The following VPS50 variants were observed in gnomAD, a reference collection of about 807,000 sequenced individuals.
VPS50 encodes the protein syndetin.
A neutral mutation model predicts 139.7 loss-of-function variants in VPS50; 70 were observed. The ratio of observed to expected loss-of-function variants is 0.50; its 90% CI spans 0.41 to 0.61. VPS50 has a LOEUF of 0.61. VPS50 is among the 20% of genes least tolerant of loss of function. The pLI is 0.00. For missense variants in VPS50, 921 were observed against 1,133.7 expected (o/e 0.81, Z 2.69); for synonymous variants, 365 against 376.7 (o/e 0.97, Z 0.36).
intron 27 of VPS50, among the ~76,000 whole-genome samples, chr7:93,356,665 A>G (rs1798715808): frequency 6.6e-6 from 1 of 152,148 alleles, no homozygotes; most frequent in South Asian, 2.1e-4. Context: ...TACTATTGTT[A>G]CGTAGGATGC....
At chr7:93,351,653 C>T (rs1798563127) in intron 25 of VPS50, among the ~76,000 whole-genome samples, 1 of 152,126 alleles carries the variant, frequency 6.6e-6, no homozygotes, top group Non-Finnish European at 1.5e-5. Context: ...TGTTAATTCC[C>T]TTGGTGAGAG....
At chr7:93,290,146 T>C (rs1302312413) in intron 12 of VPS50, among the ~76,000 whole-genome samples, 3 of 152,078 alleles carry the variant, frequency 2.0e-5, no homozygotes, top group African/African-American at 7.2e-5. Context: ...CTTTGCTGAA[T>C]TCTTTTATTG....
chr7:93,350,149 G>A, intron 25 of VPS50, 116 bp downstream of exon 25: 1 of 607,746 alleles, frequency 1.6e-6, no homozygotes, highest in Non-Finnish European at 2.6e-6. Context: ...CTAGCATTGT[G>A]GTATTAAAGC....
intron 23 of VPS50, among the ~76,000 whole-genome samples, chr7:93,345,488 T>C (rs1798364096): frequency 6.6e-6 from 1 of 152,202 alleles, no homozygotes; most frequent in Non-Finnish European, 1.5e-5. Flanking sequence ...GAGGCCAGCA[T>C]CATCCTGATA....
intron 17 of VPS50, 101 bp from the exon 18 acceptor site, chr7:93,305,727 G>A: frequency 1.2e-6 from 1 of 811,984 alleles, no homozygotes; most frequent in South Asian, 1.5e-5. Context: ...AGATCAAGAT[G>A]TTGTTTTTCT....
At chr7:93,274,867 A>G (rs1194591914) in intron 11 of VPS50, among the ~76,000 whole-genome samples, 2 of 152,126 alleles carry the variant, frequency 1.3e-5, no homozygotes. Flanking sequence ...AAAACCTCCC[A>G]TAAAGGATTC....
chr7:93,241,343 C>G (rs1794983253), intron 2 of VPS50, among the ~76,000 whole-genome samples: 1 of 152,114 alleles, frequency 6.6e-6, no homozygotes, highest in Admixed American at 6.6e-5. Context: ...TTTAGGATAA[C>G]TGGCCTTGGG....
intron 2 of VPS50, among the ~76,000 whole-genome samples, chr7:93,246,311 C>T (rs909192096): frequency 2.0e-5 from 3 of 151,740 alleles, no homozygotes; most frequent in Admixed American, 6.6e-5. Flanking sequence ...CTGCATTCTG[C>T]CATTGAGTTA....
intron 9 of VPS50, among the ~76,000 whole-genome samples, chr7:93,261,860 A>G (rs1001741336): frequency 6.6e-6 from 1 of 152,144 alleles, no homozygotes; most frequent in East Asian, 1.9e-4. Flanking sequence ...TCTACACCAG[A>G]AATGAAATCT....
chr7:93,351,614 G>A (rs1247301072), intron 25 of VPS50, among the ~76,000 whole-genome samples: 1 of 152,124 alleles, frequency 6.6e-6, no homozygotes, highest in African/African-American at 2.4e-5. Flanking sequence ...AAAAAGGCAA[G>A]GCAGCTCTCT....
intron 26 of VPS50, among the ~76,000 whole-genome samples, chr7:93,355,135 A>T (rs1398011740): frequency 6.7e-6 from 1 of 149,868 alleles, no homozygotes; most frequent in African/African-American, 2.4e-5. Context: ...AAAAAAAAAA[A>T]GCTTGGTCAT....
rs555008771 is a variant in VPS50, at chr7:93,279,772, AT to A, written c.942+3468del. 1.6e-4 allele frequency among the ~76,000 whole-genome samples: 25 copies of A among 152,322 alleles called. No homozygotes were observed. In the South Asian group the frequency reaches 4.6e-3, roughly 28 times the overall value. ...AATGTTTTGAAGGAAGTGTTTAGTC[AT>A]ACATAGAGCTTAAAAATAACATTGA... On this transcript the variant is annotated intron_variant, in intron 12 of 27. Coordinates refer to ENST00000305866, the MANE Select transcript of VPS50 (RefSeq NM_017667.4).
In VPS50 at chr7:93,360,315, A is replaced by G. The variant is rs780743278; in HGVS notation, c.*1879A>G. 6.6e-6 allele frequency: 1 copy of G among 152,016 alleles called. No individual in the cohort carries two copies. The highest frequency in any genetic ancestry group is 6.6e-5 in the Admixed American group (1 of 15,244). 9.4% of individuals were successfully genotyped at this position (152,016 alleles called of 1,614,324 possible). ...TACTTATCTTGTTAGAGACTCGACC[A>G]TGCAATCTGACAGACCTTTTAACCT... is the stretch of plus-strand genomic sequence containing the variant. On this transcript the variant is annotated 3_prime_UTR_variant, in exon 28 of 28. Coordinates refer to ENST00000305866, the MANE Select transcript of VPS50 (RefSeq NM_017667.4).
Position 93,358,481 on chromosome 7 carries a change from A to G in VPS50, c.*45A>G. 1 of 1,556,492 alleles carries G rather than the reference A, an allele frequency of 6.4e-7. No individual in the cohort carries two copies. The highest frequency in any genetic ancestry group is 1.2e-5 in the South Asian group (1 of 86,434). On this transcript the variant is annotated 3_prime_UTR_variant, in exon 28 of 28. Transcript: ENST00000305866. The stretch of plus-strand genomic sequence containing the variant: ...TCAATGGCATTGATCCTCACTCAAC[A>G]TATATGACCTGAAAGCCAGTTTTTT...
chr7:93,333,912 A>G, intron 21 of VPS50: 1 of 504,722 alleles, frequency 2.0e-6, no homozygotes, highest in East Asian at 3.7e-5. Context: ...AGTGTGTCCT[A>G]TAAATGCACA....
chr7:93,343,897 C>G (rs377646304), intron 23 of VPS50, among the ~76,000 whole-genome samples: 21 of 152,208 alleles, frequency 1.4e-4, no homozygotes, highest in African/African-American at 3.9e-4. Flanking sequence ...AAAGACCATC[C>G]AGACTAGGAA....
chr7:93,321,503 A>G (rs931992182), intron 20 of VPS50, among the ~76,000 whole-genome samples: 1 of 152,120 alleles, frequency 6.6e-6, no homozygotes, highest in African/African-American at 2.4e-5. Context: ...TCCATGTATG[A>G]CTTTTAAGGT....
intron 12 of VPS50, among the ~76,000 whole-genome samples, chr7:93,282,200 T>A (rs1796351043): frequency 6.7e-6 from 1 of 149,954 alleles, no homozygotes; most frequent in African/African-American, 2.5e-5. Context: ...CCAGACTCCG[T>A]CTCAAAAAAA....
intron 13 of VPS50, among the ~76,000 whole-genome samples, chr7:93,294,003 T>C (rs1275117447): frequency 6.6e-6 from 1 of 152,236 alleles, no homozygotes; most frequent in Non-Finnish European, 1.5e-5. Flanking sequence ...TCTTTTTCAG[T>C]TGTCTTTAGG....
Sources: allele counts gnomAD v4.1 joint callset (sites outside exome capture counted in the v4.1 genomes callset), GRCh38; gene constraint gnomAD v4.1.1; transcripts MANE v1.5; gene names NCBI Gene and HGNC (gene_info 2026-07-23, HGNC 2026-07-21).